Variants in OR51B5 observed in about 807,000 individuals in gnomAD.
The protein encoded by OR51B5 is olfactory receptor family 51 subfamily B member 5.
For missense variants in OR51B5, 456 were observed against 374.6 expected, an observed-to-expected ratio of 1.22 and a Z score of -1.79; for synonymous variants, 186 against 144.8, an observed-to-expected ratio of 1.28 and a Z score of -2.04.
At chr11:5,500,519 G>C (rs185579904) in intron 1 of OR51B5, among the ~76,000 whole-genome samples, 1 of 141,678 alleles carries the variant, frequency 7.1e-6, no homozygotes, top group Non-Finnish European at 1.6e-5. Flanking sequence ...TTCATAAAAG[G>C]AGGGTCCTCA....
At chr11:5,389,735 A>G (rs1170123736) in intron 1 of OR51B5, 1 of 1,613,782 alleles carries the variant, frequency 6.2e-7, no homozygotes, top group Non-Finnish European at 8.5e-7. Context: ...TCAAATCCAG[A>G]TGTTCTGCAT....
At chr11:5,394,382 A>C (rs1462762442) in intron 1 of OR51B5, among the ~76,000 whole-genome samples, 1 of 152,206 alleles carries the variant, frequency 6.6e-6, no homozygotes, top group Non-Finnish European at 1.5e-5. Context: ...CTGATTCAAC[A>C]ACAACAACAA....
At chr11:5,377,501 A>G (rs12278237) in intron 1 of OR51B5, among the ~76,000 whole-genome samples, 34,806 of 151,850 alleles carry the variant, frequency 0.23, 4,266 homozygotes, top group Non-Finnish European at 0.26. Flanking sequence ...TATTCAATTA[A>G]GAAAAGAGGA....
rs559995422 is a variant in OR51B5 at position 5,350,935 on chromosome 11, A to G, written n.85-4025T>C. ...CTCCAGGAATATTGAAGAAAAGTCA[A>G]TCTCTGAAATTTACTATTTTATTGT... On this transcript the variant is annotated intron_variant and non_coding_transcript_variant, in intron 1 of 4. Transcript: ENST00000415970. Among the ~76,000 whole-genome samples the G allele has an allele frequency of 1.2e-4, 19 of 152,300 alleles. No individual in the cohort carries two copies. The South Asian group carries it at 1.7e-3, about 13-fold the overall frequency.
intron 1 of OR51B5, among the ~76,000 whole-genome samples, chr11:5,388,701 C>CTTGT (rs1849741479): frequency 6.6e-6 from 1 of 151,386 alleles, no homozygotes; most frequent in South Asian, 2.1e-4. Context: ...TCATTAAAAA[C>CTTGT]TTGTTTATGT....
At chr11:5,358,177 C>A (rs1435151426) in intron 1 of OR51B5, among the ~76,000 whole-genome samples, 2 of 151,994 alleles carry the variant, frequency 1.3e-5, no homozygotes, top group African/African-American at 4.8e-5. Context: ...CACAAAAAAA[C>A]CCTTCAAAAA....
chr11:5,452,548 A>C (rs1244994318), intron 1 of OR51B5, among the ~76,000 whole-genome samples: 1 of 139,256 alleles, frequency 7.2e-6, no homozygotes, highest in African/African-American at 2.6e-5. Flanking sequence ...AAAAAAATCA[A>C]CAGGGACTGT....
Position 5,365,478 on chromosome 11 carries a change from TGCCAGTCA to T in OR51B5, n.85-18576_85-18569del, listed in dbSNP as rs1849349730. 4.0e-5 allele frequency among the ~76,000 whole-genome samples: 6 copies of T among 150,040 alleles called. No individual in the cohort carries two copies. The South Asian group carries it at 1.3e-3, about 32-fold the overall frequency. ...ATGAAAAGGTAACCCAATTCTGGTCTGCCAGTCAGCAACCATTTTCCTGTCTATGCACA... is the reference window on the plus strand; with the variant it reads ...ATGAAAAGGTAACCCAATTCTGGTCTGCAACCATTTTCCTGTCTATGCACA... On this transcript the variant is annotated intron_variant and non_coding_transcript_variant, in intron 1 of 4. Coordinates refer to the OR51B5 transcript ENST00000415970.
chr11:5,466,024 C>G (rs950458357), intron 1 of OR51B5, among the ~76,000 whole-genome samples: 4 of 151,696 alleles, frequency 2.6e-5, no homozygotes, highest in Non-Finnish European at 4.4e-5. Context: ...AACAGGCAAC[C>G]TACAAAATGG....
chr11:5,432,656 A>AT (rs1234753597), intron 1 of OR51B5, among the ~76,000 whole-genome samples: 1 of 152,130 alleles, frequency 6.6e-6, no homozygotes, highest in African/African-American at 2.4e-5. Context: ...TGCTTTTTAG[A>AT]TTTTTTGTAG....
intron 1 of OR51B5, among the ~76,000 whole-genome samples, chr11:5,373,619 C>G (rs908371729): frequency 1.3e-5 from 2 of 152,152 alleles, no homozygotes; most frequent in Non-Finnish European, 2.9e-5. Flanking sequence ...TTGGGCCACT[C>G]CCACCCGAAT....
intron 1 of OR51B5, among the ~76,000 whole-genome samples, chr11:5,412,754 T>C (rs1253599891): frequency 3.3e-5 from 5 of 151,920 alleles, no homozygotes; most frequent in African/African-American, 4.8e-5. Flanking sequence ...CACCCGCCAT[T>C]GCCCAGGCTT....
At chr11:5,394,965 G>GA (rs1389944503) in intron 1 of OR51B5, among the ~76,000 whole-genome samples, 3 of 152,108 alleles carry the variant, frequency 2.0e-5, no homozygotes, top group African/African-American at 7.2e-5. Context: ...GAAAAGAAAA[G>GA]AAAGACAAAA....
At chr11:5,483,495 C>T (rs1281517708) in intron 1 of OR51B5, among the ~76,000 whole-genome samples, 1 of 111,598 alleles carries the variant, frequency 9.0e-6, no homozygotes, top group Non-Finnish European at 1.8e-5. Context: ...TACCCTAAAA[C>T]TTAAAGTATA....
rs772597393 is a variant in OR51B5 at position 5,342,794 on chromosome 11, C to T, written c.731G>A (p.Cys244Tyr). 6 of 1,613,304 alleles carry T rather than the reference C, an allele frequency of 3.7e-6. No individual in the cohort carries two copies. Among genetic ancestry groups the T allele is most frequent in the Non-Finnish European group, 4.2e-6 (5 of 1,179,636 alleles). ...TGTGACATAAAAAACCAGGACACAG[C>T]AGATATGGGAGACACAGGTAATGAG... The change falls in exon 1 of 1, where the codon TGC becomes TAC. Residue 244 changes from cysteine (C) to tyrosine (Y), a missense_variant. Transcript: ENST00000300773.
At chr11:5,424,194 GCA>G (rs1850405376) in intron 1 of OR51B5, among the ~76,000 whole-genome samples, 1 of 152,174 alleles carries the variant, frequency 6.6e-6, no homozygotes, top group South Asian at 2.1e-4. Context: ...GGCAGTGGGA[GCA>G]CAGTGGAAGG....
At chr11:5,399,469 A>G (rs1055296268) in intron 1 of OR51B5, among the ~76,000 whole-genome samples, 10 of 152,194 alleles carry the variant, frequency 6.6e-5, no homozygotes, top group African/African-American at 2.4e-4. Flanking sequence ...CAAAGATACT[A>G]ATGTGCACAA....
intron 1 of OR51B5, among the ~76,000 whole-genome samples, chr11:5,453,065 A>G (rs537940518): frequency 6.6e-6 from 1 of 152,324 alleles, no homozygotes; most frequent in South Asian, 2.1e-4. Flanking sequence ...AAATATTTAA[A>G]TATTTCCAAG....
At chr11:5,469,107 T>G (rs1851184524) in intron 1 of OR51B5, 1 of 233,038 alleles carries the variant, frequency 4.3e-6, no homozygotes, top group Non-Finnish European at 8.6e-6. Flanking sequence ...GAAAAGTGGA[T>G]GAAGAACGTC....
Sources: allele counts gnomAD v4.1 joint callset (sites outside exome capture counted in the v4.1 genomes callset), GRCh38; gene constraint gnomAD v4.1.1; transcripts MANE v1.5; gene names NCBI Gene and HGNC (gene_info 2026-07-23, HGNC 2026-07-21).